The following ABCA4 variants were observed in gnomAD, a reference collection of about 807,000 sequenced individuals.
The protein encoded by ABCA4 is ATP binding cassette subfamily A member 4.
A neutral mutation model predicts 263.7 loss-of-function variants in ABCA4; 196 were observed. The ratio of observed to expected loss-of-function variants is 0.74; its 90% CI spans 0.66 to 0.84. ABCA4 has a LOEUF of 0.84. ABCA4 is among the 40% of genes least tolerant of loss of function. ABCA4 has a pLI of 0.00. For missense variants in ABCA4, 2,792 were observed against 2,855.1 expected (o/e 0.98, Z 0.50); for synonymous variants, 1,133 against 1,094.2 (o/e 1.04, Z -0.70).
chr1:94,013,963 T>C (rs1345796930), intron 38 of ABCA4, among the ~76,000 whole-genome samples: 3 of 152,182 alleles, frequency 2.0e-5, no homozygotes, highest in Admixed American at 2.0e-4. Flanking sequence ...AAGGAGATTT[T>C]TTCATTGTAT....
At chr1:94,102,458 C>G (rs1280576607) in intron 5 of ABCA4, among the ~76,000 whole-genome samples, 2 of 151,912 alleles carry the variant, frequency 1.3e-5, no homozygotes, top group Non-Finnish European at 2.9e-5. Context: ...GCTCAAATAC[C>G]ACCTCCTCAG....
rs756555985 is a variant in ABCA4 at position 94,005,479 on chromosome 1, C to T, written c.6109G>A (p.Ala2037Thr). The T allele has an allele frequency of 8.7e-6, 14 of 1,614,014 alleles. No individual in the cohort carries two copies. In the South Asian group the frequency reaches 1.5e-4, roughly 18 times the overall value. Residue 2037 changes from alanine (A) to threonine (T), a missense_variant, in exon 44 of 50, where the codon GCC becomes ACC. Coordinates refer to ENST00000370225, the MANE Select transcript of ABCA4 (RefSeq NM_000350.3). ...LTGREHLYLYARLRGVPAEEI... is the reference protein window; with the variant it reads ...LTGREHLYLYTRLRGVPAEEI... ...TCTGCTGGTACACCTCGAAGCCGGG[C>T]ATAAAGGTAAAGATGTTCTCGTCCT...
intron 11 of ABCA4, among the ~76,000 whole-genome samples, chr1:94,067,078 G>C (rs1305999689): frequency 6.6e-6 from 1 of 152,160 alleles, no homozygotes; most frequent in Non-Finnish European, 1.5e-5. Context: ...TCATGATAGG[G>C]CCTCGATATA....
chr1:94,100,854 G>A (rs927629888), intron 5 of ABCA4, among the ~76,000 whole-genome samples: 15 of 152,338 alleles, frequency 9.8e-5, no homozygotes, highest in South Asian at 4.2e-4. Context: ...CGTTGCCATC[G>A]TGATGGACAG....
At position 94,055,110 on chromosome 1, in the gene ABCA4, C is replaced by T. The variant is rs61749439; in HGVS notation, c.2587+1G>A. 1 of 1,613,968 alleles carries T rather than the reference C, an allele frequency of 6.2e-7. No individual in the cohort carries two copies. The highest frequency in any genetic ancestry group is 2.2e-5 in the East Asian group (1 of 44,876). ...TTTACCCTATAGAGGAGGATGCTTA[C>T]CTGGAAACACCTGATCAAGGTACCA... is the stretch of plus-strand genomic sequence containing the variant. On this transcript the variant is annotated splice_donor_variant, in intron 16 of 49. Coordinates refer to ENST00000370225, the MANE Select transcript of ABCA4 (RefSeq NM_000350.3). LOFTEE classifies it high-confidence loss of function.
chr1:94,073,044 A>T (rs945582362), intron 11 of ABCA4, among the ~76,000 whole-genome samples: 5 of 152,042 alleles, frequency 3.3e-5, no homozygotes, highest in African/African-American at 1.2e-4. Context: ...GTGAAGCAAC[A>T]TCCTTGCTTT....
rs182419113 is a variant in ABCA4, at chr1:94,063,850, A to C, written c.1555-533T>G. 2.0e-5 allele frequency among the ~76,000 whole-genome samples: 3 copies of C among 152,310 alleles called. No individual in the cohort carries two copies. The East Asian group carries it at 5.8e-4, about 29-fold the overall frequency. On this transcript the variant is annotated intron_variant, in intron 11 of 49. Transcript: ENST00000370225. ...GACAGCCAAAATAACTTAGTCAGGG[A>C]AATCACTTCCAATTACAATTCTGTG...
chr1:94,039,558 G>A (rs1213759173), intron 24 of ABCA4, among the ~76,000 whole-genome samples: 1 of 152,202 alleles, frequency 6.6e-6, no homozygotes, highest in Non-Finnish European at 1.5e-5. Context: ...GAGAATCACT[G>A]GGAAATTGGG....
At chr1:94,090,618 AT>A (rs1160261657) in intron 6 of ABCA4, among the ~76,000 whole-genome samples, 1 of 152,040 alleles carries the variant, frequency 6.6e-6, no homozygotes, top group African/African-American at 2.4e-5. Context: ...CCTCCTAGCT[AT>A]TCCTGTCTTT....
intron 48 of ABCA4, among the ~76,000 whole-genome samples, chr1:93,997,051 G>A (rs1001657223): frequency 6.6e-6 from 1 of 152,190 alleles, no homozygotes; most frequent in African/African-American, 2.4e-5. Flanking sequence ...AGATGAAAGA[G>A]TTCTATCGGG....
chr1:94,023,494 A>C lies in ABCA4; in HGVS notation c.4635-76T>G, dbSNP rs935041818. 20 of 1,289,876 alleles carry C rather than the reference A, an allele frequency of 1.6e-5. No individual in the cohort carries two copies. In the African/African-American group the frequency reaches 2.8e-4, roughly 18 times the overall value. 79.9% of individuals were successfully genotyped at this position (1,289,876 alleles called of 1,614,324 possible). On this transcript the variant is annotated intron_variant, in intron 31 of 49. Transcript: ENST00000370225. ...CGTTAACTTTCTTTCCCAAACATTC[A>C]TTTTGAAGACTGAAGTCTCAGTCTT... is the stretch of plus-strand genomic sequence containing the variant.
At chr1:94,086,280 C>T (rs1220634863) in intron 6 of ABCA4, among the ~76,000 whole-genome samples, 3 of 152,168 alleles carry the variant, frequency 2.0e-5, no homozygotes, top group Non-Finnish European at 4.4e-5. Flanking sequence ...TTATCCATTG[C>T]ATTTTCTGTA....
At chr1:94,120,886 T>TTCCCC in intron 1 of ABCA4, 94 bp downstream of exon 1, 1 of 155,288 alleles carries the variant, frequency 6.4e-6, no homozygotes, top group South Asian at 4.4e-5. Flanking sequence ...CCCCCCACCC[T>TTCCCC]GCCCCACCAC....
At chr1:94,035,612 C>T (rs1261482862) in intron 26 of ABCA4, among the ~76,000 whole-genome samples, 2 of 152,194 alleles carry the variant, frequency 1.3e-5, no homozygotes, top group African/African-American at 4.8e-5. Context: ...CAGGAAAACA[C>T]TGAAATATGC....
At chr1:94,040,864 A>G (rs1396796232) in intron 23 of ABCA4, among the ~76,000 whole-genome samples, 1 of 152,128 alleles carries the variant, frequency 6.6e-6, no homozygotes, top group East Asian at 1.9e-4. Flanking sequence ...TTAATTAGGG[A>G]ATATTAATGT....
intron 1 of ABCA4, among the ~76,000 whole-genome samples, chr1:94,114,708 C>T (rs971373599): frequency 9.2e-5 from 14 of 152,120 alleles, no homozygotes; most frequent in African/African-American, 2.4e-4. Flanking sequence ...AGGATGGTCT[C>T]GATCTCCTGA....
At chr1:94,062,457 C>G (rs1354958996) in intron 13 of ABCA4, 120 bp downstream of exon 13, 1 of 1,260,110 alleles carries the variant, frequency 7.9e-7, no homozygotes, top group Non-Finnish European at 1.1e-6. Flanking sequence ...CAATTTGGCT[C>G]TGGTCCCTGG....
chr1:94,010,973 C>T (rs1469298898), intron 39 of ABCA4, 44 bp from the exon 40 acceptor site: 2 of 1,613,820 alleles, frequency 1.2e-6, no homozygotes, highest in Admixed American at 3.3e-5. Context: ...CGCCCCAGCT[C>T]ACCCCACAGA....
intron 14 of ABCA4, among the ~76,000 whole-genome samples, chr1:94,058,641 C>T (rs1034178312): frequency 4.6e-5 from 7 of 152,236 alleles, no homozygotes; most frequent in Admixed American, 6.5e-5. Flanking sequence ...GGGTTACAGG[C>T]GTGAGCCACC....
Sources: gnomAD v4.1 joint callset for allele counts (sites outside exome capture counted in the v4.1 genomes callset) on GRCh38, gnomAD v4.1.1 for gene constraint, MANE v1.5 for transcripts, NCBI Gene and HGNC (gene_info 2026-07-23, HGNC 2026-07-21) for gene names.